The following NDUFV2 variants were observed in gnomAD, a reference collection of about 807,000 sequenced individuals.
NDUFV2 encodes NADH:ubiquinone oxidoreductase core subunit V2.
In NDUFV2, 18 loss-of-function variants were observed where a neutral mutation model predicts 31.6. The observed-to-expected ratio is 0.57, with a 90% CI of 0.39 to 0.84. The LOEUF is 0.84. NDUFV2 is among the 40% of genes least tolerant of loss of function. The pLI is 0.00. For missense variants in NDUFV2, 314 were observed against 303.6 expected, an observed-to-expected ratio of 1.03 and a Z score of -0.26; for synonymous variants, 83 against 99.8, an observed-to-expected ratio of 0.83 and a Z score of 1.01.
At position 9,128,590 on chromosome 18, in the gene NDUFV2, A is replaced by G. The variant is rs578063746; in HGVS notation, c.656+1683A>G. Among the ~76,000 whole-genome samples, 231 of 152,280 alleles carry G rather than the reference A, an allele frequency of 1.5e-3. 1 individual carries two copies. The highest frequency in any genetic ancestry group is 0.01 in the Middle Eastern group (3 of 294). ...CATTCTCCTTTATGGAGGCAACTGA[A>G]GTAAAACCTTTAGTCATCTATCATT... On this transcript the variant is annotated intron_variant, in intron 7 of 7. Transcript: ENST00000318388.
In NDUFV2 at chr18:9,122,643, ACT is replaced by A. The variant is rs749693247; in HGVS notation, c.434_435del (p.Ser145Ter). On this transcript the variant is annotated frameshift_variant, in exon 5 of 8. Coordinates refer to ENST00000318388, the MANE Select transcript of NDUFV2 (RefSeq NM_021074.5). LOFTEE classifies it high-confidence loss of function. ...ACTACTACACCCTGCATGCTTCGAA[ACT>A]CTGACAGCATACTGGAGGCCATTCA... 20 of 1,613,766 alleles carry A rather than the reference ACT, an allele frequency of 1.2e-5. No homozygotes were observed. The highest frequency in any genetic ancestry group is 2.2e-5 in the East Asian group (1 of 44,846).
intron 4 of NDUFV2, among the ~76,000 whole-genome samples, chr18:9,120,445 A>C (rs1326685441): frequency 6.6e-6 from 1 of 152,186 alleles, no homozygotes; most frequent in Non-Finnish European, 1.5e-5. Flanking sequence ...GACTGAATTC[A>C]TTTCTAAATC....
chr18:9,128,075 A>T (rs2078007311), intron 7 of NDUFV2, among the ~76,000 whole-genome samples: 1 of 152,150 alleles, frequency 6.6e-6, no homozygotes, highest in Non-Finnish European at 1.5e-5. Flanking sequence ...TTCTCTCTTA[A>T]TACTAGCAAA....
rs2078064335 is a variant in NDUFV2, at chr18:9,134,184, A to G, written c.657-2A>G. The G allele has an allele frequency of 6.2e-7, 1 of 1,610,268 alleles. No individual in the cohort carries two copies. The highest frequency in any genetic ancestry group is 8.5e-7 in the Non-Finnish European group (1 of 1,176,822). ...ATAGTTTAATATTACTTTTCATTTC[A>G]GGAGTGGACGCTTCTCTTGTGAGCC... On this transcript the variant is annotated splice_acceptor_variant, in intron 7 of 7. Coordinates refer to ENST00000318388, the MANE Select transcript of NDUFV2 (RefSeq NM_021074.5). LOFTEE classifies it high-confidence loss of function.
intron 2 of NDUFV2, among the ~76,000 whole-genome samples, chr18:9,118,482 G>A (rs1365814945): frequency 6.6e-6 from 1 of 152,120 alleles, no homozygotes; most frequent in East Asian, 1.9e-4. Flanking sequence ...AGTTAGTGGT[G>A]TAAGAAGTAG....
chr18:9,110,680 G>C (rs1894153195), intron 1 of NDUFV2, among the ~76,000 whole-genome samples: 1 of 152,042 alleles, frequency 6.6e-6, no homozygotes, highest in South Asian at 2.1e-4. Context: ...GCTAACTTTT[G>C]TATTTTTTGT....
rs1185165750 is a variant in NDUFV2 at position 9,119,369 on chromosome 18, T to C, written c.164T>C (p.Phe55Ser). ...AATAACCCTGATACTCCATTTGATT[T>C]CACACCAGAAAACTATAAGGTATGG... ...PENNPDTPFD[F>S]TPENYKRIEA... Residue 55 changes from phenylalanine to serine, a missense_variant, in exon 3 of 8, where the codon TTC (phenylalanine) becomes TCC (serine). Phe to Ser is a radical substitution (Grantham distance 155). Coordinates refer to ENST00000318388, the MANE Select transcript of NDUFV2 (RefSeq NM_021074.5). 6.2e-7 allele frequency: 1 copy of C among 1,612,806 alleles called. No individual in the cohort carries two copies. The highest frequency in any genetic ancestry group is 1.7e-5 in the Admixed American group (1 of 60,022).
chr18:9,134,233 C>G lies in NDUFV2; in HGVS notation c.704C>G (p.Thr235Ser), dbSNP rs1447801874. 1 of 1,613,254 alleles carries G rather than the reference C, an allele frequency of 6.2e-7. No homozygotes were observed. Among genetic ancestry groups the G allele is most frequent in the South Asian group, 1.1e-5 (1 of 91,050 alleles). ...CCAGCTGGAGGTCTTACCTCTTTGA[C>G]TGAACCACCCAAGGGACCTGGATTT... Reference protein sequence around the residue: ...CEPAGGLTSLTEPPKGPGFGV... With the variant: ...CEPAGGLTSLSEPPKGPGFGV... Residue 235 changes from threonine (T) to serine (S), a missense_variant, in exon 8 of 8, where the codon ACT becomes AGT. Physicochemically the swap from Thr to Ser is moderately conservative, Grantham distance 58. Transcript: ENST00000318388.
intron 5 of NDUFV2, among the ~76,000 whole-genome samples, chr18:9,123,275 T>C (rs560177997): frequency 1.2e-4 from 19 of 152,258 alleles, no homozygotes; most frequent in African/African-American, 4.3e-4. Context: ...AATAGCTGGG[T>C]GGTATTGAAA....
chr18:9,109,467 C>T (rs901126425), intron 1 of NDUFV2, among the ~76,000 whole-genome samples: 2 of 152,018 alleles, frequency 1.3e-5, no homozygotes, highest in Admixed American at 1.3e-4. Context: ...AAGTGAGCTT[C>T]GTTGGATGGT....
At chr18:9,129,690 A>G (rs2078023409) in intron 7 of NDUFV2, among the ~76,000 whole-genome samples, 1 of 152,214 alleles carries the variant, frequency 6.6e-6, no homozygotes, top group Non-Finnish European at 1.5e-5. Flanking sequence ...GGGAGGGGAA[A>G]GAGGATGTAT....
chr18:9,121,636 TAGTA>T (rs569752989), intron 4 of NDUFV2, among the ~76,000 whole-genome samples: 47 of 152,294 alleles, frequency 3.1e-4, no homozygotes, highest in Admixed American at 5.2e-4. Flanking sequence ...GAATGCCAGA[TAGTA>T]AGTCTTAATG....
intron 1 of NDUFV2, among the ~76,000 whole-genome samples, chr18:9,108,104 T>G (rs2077850839): frequency 6.6e-6 from 1 of 152,338 alleles, no homozygotes; most frequent in East Asian, 1.9e-4. Context: ...TTCTTTAATA[T>G]ATGGTCAAGA....
chr18:9,123,465 C>T (rs1385734302), intron 5 of NDUFV2, among the ~76,000 whole-genome samples: 5 of 151,812 alleles, frequency 3.3e-5, no homozygotes, highest in Non-Finnish European at 5.9e-5. Flanking sequence ...TTCTACAGCA[C>T]AATATATATG....
At chr18:9,104,747 G>T (rs1360478252) in intron 1 of NDUFV2, among the ~76,000 whole-genome samples, 2 of 134,456 alleles carry the variant, frequency 1.5e-5, no homozygotes, top group Non-Finnish European at 3.1e-5. Context: ...TAAACAAATA[G>T]TACCTGATAT....
At chr18:9,124,754 T>TA (rs764184812) in intron 5 of NDUFV2, 120 bp from the exon 6 acceptor site, 12 of 1,107,804 alleles carry the variant, frequency 1.1e-5, no homozygotes, top group Non-Finnish European at 1.5e-5. Context: ...GGCCTCTTTT[T>TA]AAAAAACTTA....
At chr18:9,109,622 GC>G (rs2077859652) in intron 1 of NDUFV2, among the ~76,000 whole-genome samples, 2 of 152,224 alleles carry the variant, frequency 1.3e-5, no homozygotes, top group African/African-American at 2.4e-5. Flanking sequence ...AAAGGGAAAG[GC>G]TGGTAGAAAG....
chr18:9,107,255 A>T (rs2077846573), intron 1 of NDUFV2, among the ~76,000 whole-genome samples: 1 of 152,196 alleles, frequency 6.6e-6, no homozygotes, highest in South Asian at 2.1e-4. Flanking sequence ...TTTCCATTTC[A>T]AAGTAATAAA....
chr18:9,117,778 T>C, intron 1 of NDUFV2, 60 bp from the exon 2 acceptor site: 2 of 951,878 alleles, frequency 2.1e-6, no homozygotes, highest in Non-Finnish European at 3.4e-6. Flanking sequence ...AAAGTATTTC[T>C]TTATGAAAAA....
Sources: gnomAD v4.1 joint callset for allele counts (sites outside exome capture counted in the v4.1 genomes callset) on GRCh38, gnomAD v4.1.1 for gene constraint, MANE v1.5 for transcripts, NCBI Gene and HGNC (gene_info 2026-07-23, HGNC 2026-07-21) for gene names.